IQCK: variants seen among roughly 807,000 people sequenced by gnomAD.
IQCK encodes the protein IQ domain-containing protein K.
A neutral mutation model predicts 28.1 loss-of-function variants in IQCK; 29 were observed. The observed-to-expected ratio is 1.03, with a 90% CI of 0.77 to 1.41. The LOEUF is 1.41. Ranked by LOEUF, IQCK falls within the 40% of genes most tolerant of loss-of-function variation. IQCK has a pLI of 0.00. For missense variants in IQCK, 359 were observed against 314.7 expected (o/e 1.14, Z -1.07); for synonymous variants, 113 against 115.1 (o/e 0.98, Z 0.12).
At chr16:19,828,946 T>C (rs1438998617), downstream of IQCK, among the ~76,000 whole-genome samples, 10 of 143,870 alleles carry the variant, frequency 7.0e-5, no homozygotes, top group East Asian at 2.0e-3. Context: ...ATTTTAATTA[T>C]TTAATTATTT....
intron 7 of IQCK, among the ~76,000 whole-genome samples, chr16:19,812,231 C>T (rs2055916412): frequency 6.6e-6 from 1 of 152,100 alleles, no homozygotes; most frequent in African/African-American, 2.4e-5. Flanking sequence ...AAGTGATCCG[C>T]CCACCTGGGC....
chr16:19,799,593 T>TAC (rs1555519964), intron 7 of IQCK, among the ~76,000 whole-genome samples: 11 of 103,128 alleles, frequency 1.1e-4, no homozygotes, highest in East Asian at 2.4e-4. Context: ...TATATATATA[T>TAC]ATATACACAC....
chr16:19,845,870 T>C (rs1385485894), intron 9 of IQCK, among the ~76,000 whole-genome samples: 3 of 151,368 alleles, frequency 2.0e-5, no homozygotes, highest in African/African-American at 4.9e-5. Flanking sequence ...AGCTCAGGAG[T>C]TCGAGACCAG....
intron 7 of IQCK, among the ~76,000 whole-genome samples, chr16:19,810,971 GAA>G (rs2141067085): frequency 6.6e-6 from 1 of 152,276 alleles, no homozygotes; most frequent in African/African-American, 2.4e-5. Flanking sequence ...TAGTGGTAAA[GAA>G]GAGATCAAGG....
chr16:19,832,879 TGA>T (rs2056250494), intron 9 of IQCK, among the ~76,000 whole-genome samples: 1 of 152,062 alleles, frequency 6.6e-6, no homozygotes, highest in South Asian at 2.1e-4. Flanking sequence ...TCAGATCTCA[TGA>T]GAACTCACTC....
rs759481455 is a variant in IQCK at position 19,733,657 on chromosome 16, C to T, written c.247-41C>T. 3.7e-6 allele frequency: 6 copies of T among 1,605,704 alleles called. No homozygotes were observed. In the East Asian group the frequency reaches 1.3e-4, roughly 36 times the overall value. ...ATACCAGAAAATGCAATTATTTAAG[C>T]TGTTTAAATGAATTGCCTCCCCTCC... On this transcript the variant is annotated intron_variant, in intron 2 of 7. Coordinates refer to ENST00000564186, the Ensembl canonical transcript of IQCK.
chr16:19,838,284 A>G (rs935543752), intron 9 of IQCK, among the ~76,000 whole-genome samples: 4 of 152,166 alleles, frequency 2.6e-5, no homozygotes, highest in African/African-American at 9.7e-5. Context: ...GGAGGCAGAG[A>G]GTAAATCCGG....
chr16:19,814,748 A>G (rs2055960729), intron 7 of IQCK, among the ~76,000 whole-genome samples: 1 of 151,898 alleles, frequency 6.6e-6, no homozygotes, highest in African/African-American at 2.4e-5. Context: ...GGTGAGATAA[A>G]TAGACAAAAG....
At chr16:19,829,114 G>A (rs1031601855), downstream of IQCK, among the ~76,000 whole-genome samples, 14 of 150,522 alleles carry the variant, frequency 9.3e-5, no homozygotes, top group African/African-American at 3.4e-4. Context: ...CCACACTGTT[G>A]GAATCTTTTA....
At chr16:19,843,817 A>G (rs1197773402) in intron 9 of IQCK, among the ~76,000 whole-genome samples, 1 of 152,162 alleles carries the variant, frequency 6.6e-6, no homozygotes, top group Non-Finnish European at 1.5e-5. Context: ...CAGATCAGGT[A>G]TATACCCTTA....
At position 19,808,780 on chromosome 16, in the gene IQCK, G is replaced by T. The variant is rs1239134538; in HGVS notation, c.691-18246G>T. ...GAGTCCTGTGCAGTTGCACAGGGCAGTGCCCATGAAGCCAGGCCTGCATGT... is the reference window on the plus strand; with the variant it reads ...GAGTCCTGTGCAGTTGCACAGGGCATTGCCCATGAAGCCAGGCCTGCATGT... On this transcript the variant is annotated intron_variant, in intron 7 of 7. Transcript: ENST00000564186. Among the ~76,000 whole-genome samples the T allele has an allele frequency of 1.3e-5, 2 of 152,248 alleles. 1 individual carries two copies. The highest frequency in any genetic ancestry group is 1.3e-4 in the Admixed American group (2 of 15,284).
chr16:19,759,388 T>C (rs1332168250), intron 4 of IQCK, among the ~76,000 whole-genome samples: 1 of 152,008 alleles, frequency 6.6e-6, no homozygotes, highest in Non-Finnish European at 1.5e-5. Flanking sequence ...TTAGTATTTT[T>C]AGTAGAGATG....
At chr16:19,765,380 A>G (rs2151712173) in intron 6 of IQCK, among the ~76,000 whole-genome samples, 1 of 152,106 alleles carries the variant, frequency 6.6e-6, no homozygotes, top group Admixed American at 6.5e-5. Context: ...TCTACTAAAA[A>G]TAAAAAAATT....
chr16:19,725,616 T>C (rs1567531735), intron 1 of IQCK, among the ~76,000 whole-genome samples: 1 of 152,196 alleles, frequency 6.6e-6, no homozygotes, highest in Non-Finnish European at 1.5e-5. Flanking sequence ...TCAAGTTGTT[T>C]TAAGAGTCCA....
At chr16:19,760,828 C>G (rs2055127613) in intron 4 of IQCK, among the ~76,000 whole-genome samples, 1 of 152,162 alleles carries the variant, frequency 6.6e-6, no homozygotes, top group Admixed American at 6.5e-5. Flanking sequence ...AACAGAGCAG[C>G]CCCGAGGGCT....
At chr16:19,743,170 C>CAAATAAAT (rs137913243) in intron 4 of IQCK, among the ~76,000 whole-genome samples, 46 of 151,630 alleles carry the variant, frequency 3.0e-4, no homozygotes, top group South Asian at 2.3e-3. Flanking sequence ...GATTCTGTCT[C>CAAATAAAT]AAATAAATAA....
intron 7 of IQCK, among the ~76,000 whole-genome samples, chr16:19,808,880 G>C (rs1025550968): frequency 4.6e-5 from 7 of 152,198 alleles, no homozygotes. Flanking sequence ...TTTTTAGACA[G>C]AGTTTTCACT....
chr16:19,828,792 A>G (rs1320627930), downstream of IQCK, among the ~76,000 whole-genome samples: 1 of 148,514 alleles, frequency 6.7e-6, no homozygotes, highest in Non-Finnish European at 1.5e-5. Context: ...CAGAGGTTGC[A>G]GTGAGCCGAG....
intron 4 of IQCK, among the ~76,000 whole-genome samples, chr16:19,742,172 A>T (rs982570350): frequency 2.6e-5 from 4 of 152,136 alleles, no homozygotes; most frequent in African/African-American, 9.7e-5. Flanking sequence ...TGGGCGGAAG[A>T]GGGGAAGTAA....
Sources: allele counts gnomAD v4.1 joint callset (sites outside exome capture counted in the v4.1 genomes callset), GRCh38; gene constraint gnomAD v4.1.1; transcripts MANE v1.5; gene names NCBI Gene and HGNC (gene_info 2026-07-23, HGNC 2026-07-21).